Variants in MSN observed in about 807,000 individuals in gnomAD.
MSN encodes moesin, also known as epididymis luminal protein 70.
MSN carries 2 observed loss-of-function variants against 48.0 expected under a neutral mutation model. That is an observed-to-expected ratio of 0.04 (90% CI 0.02 to 0.13). The LOEUF is 0.13. Ranked by LOEUF, MSN falls within the 10% of genes least tolerant of loss-of-function variation. The probability of loss-of-function intolerance (pLI) is 1.00; values close to 1 mark genes in which losing one functional copy is unlikely to be tolerated. For missense variants in MSN, 267 were observed against 470.1 expected, an observed-to-expected ratio of 0.57 and a Z score of 3.99; for synonymous variants, 146 against 166.9, an observed-to-expected ratio of 0.87 and a Z score of 0.97.
intron 1 of MSN, among the ~76,000 whole-genome samples, chrX:65,592,663 A>G (rs1197675087): frequency 8.9e-6 from 1 of 112,087 alleles, no homozygotes; most frequent in Non-Finnish European, 1.9e-5. Context: ...ATGAAATGTT[A>G]TCATTGCACA....
chrX:65,642,075 G>C (rs1227334920), intron 1 of MSN, among the ~76,000 whole-genome samples: 1 of 104,338 alleles, frequency 9.6e-6, no homozygotes, highest in East Asian at 3.0e-4. Flanking sequence ...CGGAGGTTGC[G>C]GTGAGCCGAG....
At chrX:65,731,290 G>T in intron 5 of MSN, 100 bp downstream of exon 5, 3 of 714,362 alleles carry the variant, frequency 4.2e-6, no homozygotes, top group Non-Finnish European at 6.3e-6. Flanking sequence ...ATTGGTGGAT[G>T]TTGGAGAAAG....
At chrX:65,594,553 A>G (rs1479901180) in intron 1 of MSN, among the ~76,000 whole-genome samples, 1 of 111,290 alleles carries the variant, frequency 9.0e-6, no homozygotes, top group Non-Finnish European at 1.9e-5. Flanking sequence ...GGGGCAGAGA[A>G]GCATAGAATA....
chrX:65,714,280 G>A (rs1207582180), intron 1 of MSN, among the ~76,000 whole-genome samples: 1 of 111,463 alleles, frequency 9.0e-6, no homozygotes, highest in Admixed American at 9.5e-5. Context: ...ATGCACATGC[G>A]CGTTTATGTA....
intron 1 of MSN, among the ~76,000 whole-genome samples, chrX:65,707,383 G>A (rs1390638470): frequency 9.0e-6 from 1 of 111,643 alleles, no homozygotes; most frequent in East Asian, 2.8e-4. Context: ...GCATGTGAGA[G>A]GATGACACTC....
In MSN at chrX:65,729,422, C is replaced by A; in HGVS notation, c.193-16C>A. ...AAACCTATTTTTTGAGAGTCCATAA[C>A]CCTTACTCTTCCCAGGTGACTGCCC... On this transcript the variant is annotated splice_polypyrimidine_tract_variant and intron_variant, in intron 3 of 12. Transcript: ENST00000360270. 1 of 1,206,938 alleles carries A rather than the reference C, an allele frequency of 8.3e-7. No homozygotes were observed. Among genetic ancestry groups the A allele is most frequent in the Non-Finnish European group, 1.1e-6 (1 of 892,978 alleles).
intron 1 of MSN, among the ~76,000 whole-genome samples, chrX:65,651,707 C>A (rs2070744018): frequency 9.3e-6 from 1 of 107,329 alleles, no homozygotes; most frequent in Non-Finnish European, 1.9e-5. Context: ...CCTGCTTCAG[C>A]CTCTTGAGTA....
At chrX:65,615,981 G>T (rs1215000090) in intron 1 of MSN, among the ~76,000 whole-genome samples, 1 of 111,226 alleles carries the variant, frequency 9.0e-6, no homozygotes, top group Non-Finnish European at 1.9e-5. Flanking sequence ...CCCATTGCTT[G>T]TTTTTGTCAG....
intron 1 of MSN, among the ~76,000 whole-genome samples, chrX:65,672,950 C>G (rs1232509438): frequency 9.0e-6 from 1 of 111,510 alleles, no homozygotes; most frequent in East Asian, 2.8e-4. Flanking sequence ...AAAATGTATC[C>G]TCTTGTCCCA....
At position 65,740,319 on chromosome X, in the gene MSN, T is replaced by C. The variant is rs2071723513; in HGVS notation, c.*426T>C. On this transcript the variant is annotated 3_prime_UTR_variant, in exon 13 of 13. Coordinates refer to ENST00000360270, the MANE Select transcript of MSN (RefSeq NM_002444.3). ...TGAGATTTACACGGTTGGAGTGTTA[T>C]GCGGTCTAGGGAATGAGACAGGACC... 1 of 183,854 alleles carries C rather than the reference T, an allele frequency of 5.4e-6. No individual in the cohort carries two copies. The highest frequency in any genetic ancestry group is 2.9e-5 in the African/African-American group (1 of 34,917). The allele number at this position is 183,854 out of a possible 1,213,427, so 15.2% of individuals were successfully genotyped here.
chrX:65,624,333 C>T (rs2070483709), intron 1 of MSN, among the ~76,000 whole-genome samples: 1 of 110,503 alleles, frequency 9.0e-6, no homozygotes, highest in South Asian at 3.8e-4. Flanking sequence ...CTGCCTTGGC[C>T]TCCCAAAGTG....
chrX:65,618,690 G>T (rs1265645822), intron 1 of MSN, among the ~76,000 whole-genome samples: 1 of 110,296 alleles, frequency 9.1e-6, no homozygotes, highest in African/African-American at 3.3e-5. Context: ...TTTAATTGGA[G>T]CATTTAGTCC....
chrX:65,614,773 A>C (rs2070352781), intron 1 of MSN, among the ~76,000 whole-genome samples: 1 of 101,182 alleles, frequency 9.9e-6, no homozygotes, highest in Non-Finnish European at 2.0e-5. Flanking sequence ...TTACAAATGT[A>C]TACATGTGCC....
intron 1 of MSN, among the ~76,000 whole-genome samples, chrX:65,620,001 C>T (rs1484856132): frequency 1.8e-5 from 2 of 111,652 alleles, no homozygotes; most frequent in East Asian, 2.8e-4. Context: ...CTGGGGGGTG[C>T]CTCCCAGTTA....
intron 1 of MSN, among the ~76,000 whole-genome samples, chrX:65,654,101 T>C (rs1396436225): frequency 1.2e-4 from 12 of 96,265 alleles, no homozygotes; most frequent in Non-Finnish European, 2.4e-4. Flanking sequence ...ATGGAGACCC[T>C]TCTTTTTTTT....
chrX:65,739,244 A>T, intron 12 of MSN, 50 bp downstream of exon 12: 2 of 1,077,785 alleles, frequency 1.9e-6, no homozygotes, highest in African/African-American at 3.6e-5. Flanking sequence ...TTGATTTAGT[A>T]GCCCATGGCA....
chrX:65,646,805 G>A (rs986752335), intron 1 of MSN, among the ~76,000 whole-genome samples: 1 of 110,857 alleles, frequency 9.0e-6, no homozygotes, highest in African/African-American at 3.3e-5. Flanking sequence ...AAATTAGATG[G>A]GTGTGGTGGT....
At chrX:65,647,477 C>T (rs1220028098) in intron 1 of MSN, among the ~76,000 whole-genome samples, 3 of 112,631 alleles carry the variant, frequency 2.7e-5, no homozygotes, top group East Asian at 2.8e-4. Flanking sequence ...TCCCAAAGTG[C>T]TGGGATTACA....
chrX:65,648,881 A>G (rs1253823208), intron 1 of MSN, among the ~76,000 whole-genome samples: 4 of 107,969 alleles, frequency 3.7e-5, no homozygotes, highest in African/African-American at 1.3e-4. Context: ...AAATAAAATA[A>G]AATAAAATAA....
Sources: allele counts gnomAD v4.1 joint callset (sites outside exome capture counted in the v4.1 genomes callset), GRCh38; gene constraint gnomAD v4.1.1; transcripts MANE v1.5; gene names NCBI Gene and HGNC (gene_info 2026-07-23, HGNC 2026-07-21).